The following MAPK10 variants were observed in gnomAD, a reference collection of about 807,000 sequenced individuals.
MAPK10 encodes mitogen-activated protein kinase 10, also known as JNK3 alpha protein kinase.
A neutral mutation model predicts 59.3 loss-of-function variants in MAPK10; 25 were observed. The ratio of observed to expected loss-of-function variants is 0.42; its 90% CI spans 0.31 to 0.59. The LOEUF (loss-of-function observed/expected upper bound fraction) is 0.59. MAPK10 is among the 20% of genes least tolerant of loss of function. The pLI, the probability that MAPK10 is intolerant of heterozygous loss-of-function variation, is 0.15. For synonymous variants in MAPK10, 190 were observed against 200.5 expected (o/e 0.95, Z 0.44); for missense variants, 351 against 568.9 (o/e 0.62, Z 3.90).
At chr4:86,236,403 A>T (rs181221162) in intron 2 of MAPK10, among the ~76,000 whole-genome samples, 56 of 152,312 alleles carry the variant, frequency 3.7e-4, no homozygotes, top group African/African-American at 1.2e-3. Flanking sequence ...GACAAGAGAC[A>T]AATGATATGA....
At chr4:86,563,311 A>G (rs1414296644) in intron 1 of MAPK10, among the ~76,000 whole-genome samples, 3 of 152,206 alleles carry the variant, frequency 2.0e-5, no homozygotes, top group Non-Finnish European at 4.4e-5. Flanking sequence ...GATTGCCAAC[A>G]TAACAATTCA....
intron 4 of MAPK10, among the ~76,000 whole-genome samples, chr4:86,156,153 G>A (rs1248504956): frequency 3.9e-5 from 6 of 152,106 alleles, no homozygotes; most frequent in South Asian, 4.1e-4. Flanking sequence ...ATACGGGTAC[G>A]TATACATATA....
At chr4:86,542,842 G>T (rs2149095907) in intron 1 of MAPK10, among the ~76,000 whole-genome samples, 2 of 152,252 alleles carry the variant, frequency 1.3e-5, no homozygotes, top group South Asian at 4.1e-4. Flanking sequence ...TTGTTTTCAT[G>T]CAATCTCTGT....
At chr4:86,056,646 G>T (rs572091359) in intron 11 of MAPK10, among the ~76,000 whole-genome samples, 1 of 149,996 alleles carries the variant, frequency 6.7e-6, no homozygotes, top group Non-Finnish European at 1.5e-5. Flanking sequence ...AAATGTATTT[G>T]AGAGAATTAA....
intron 2 of MAPK10, among the ~76,000 whole-genome samples, chr4:86,317,912 C>G (rs954260332): frequency 6.6e-6 from 1 of 152,110 alleles, no homozygotes; most frequent in Non-Finnish European, 1.5e-5. Context: ...TCTAGAGGAG[C>G]CTCGTTTCTT....
chr4:86,467,544 G>A (rs564130297), intron 1 of MAPK10, among the ~76,000 whole-genome samples: 32 of 148,286 alleles, frequency 2.2e-4, no homozygotes, highest in East Asian at 6.0e-4. Flanking sequence ...TTTTTGAGAC[G>A]GAGTTTCGCT....
chr4:86,508,323 C>T (rs1755958891), intron 1 of MAPK10, among the ~76,000 whole-genome samples: 1 of 152,096 alleles, frequency 6.6e-6, no homozygotes, highest in Non-Finnish European at 1.5e-5. Flanking sequence ...GACTCTTGGA[C>T]TCCCTCCCTT....
At chr4:86,566,608 G>C (rs997210777) in intron 1 of MAPK10, among the ~76,000 whole-genome samples, 20 of 151,892 alleles carry the variant, frequency 1.3e-4, no homozygotes, top group African/African-American at 4.8e-4. Flanking sequence ...CCAGCTGCTC[G>C]GGAGGCTGGG....
intron 11 of MAPK10, among the ~76,000 whole-genome samples, chr4:86,047,166 A>G (rs946344402): frequency 6.6e-6 from 1 of 152,126 alleles, no homozygotes; most frequent in Non-Finnish European, 1.5e-5. Flanking sequence ...ACCCTGACCC[A>G]GAAGCAGGTC....
At chr4:86,550,738 C>A (rs974577283) in intron 1 of MAPK10, among the ~76,000 whole-genome samples, 1 of 152,120 alleles carries the variant, frequency 6.6e-6, no homozygotes, top group Non-Finnish European at 1.5e-5. Context: ...AATACACACA[C>A]ACAAAAACCT....
chr4:86,452,664 CTAAGCTTGCCTA>C (rs1750859064), intron 1 of MAPK10, among the ~76,000 whole-genome samples: 2 of 152,242 alleles, frequency 1.3e-5, no homozygotes, highest in South Asian at 2.1e-4. Flanking sequence ...TTCCTGTAAG[CTAAGCTTGCCTA>C]TAAAAATAGC....
chr4:86,526,066 G>A (rs975173621), intron 1 of MAPK10, among the ~76,000 whole-genome samples: 5 of 152,076 alleles, frequency 3.3e-5, no homozygotes, highest in Non-Finnish European at 7.4e-5. Flanking sequence ...TTGGTATCAG[G>A]GTGATGCTGG....
chr4:86,196,998 C>T (rs1030738108), intron 2 of MAPK10, among the ~76,000 whole-genome samples: 2 of 152,128 alleles, frequency 1.3e-5, no homozygotes, highest in African/African-American at 2.4e-5. Context: ...TAGCATGATG[C>T]CTCCAGCATT....
chr4:86,401,775 A>G (rs1377485822), intron 1 of MAPK10, among the ~76,000 whole-genome samples: 1 of 152,230 alleles, frequency 6.6e-6, no homozygotes, highest in East Asian at 1.9e-4. Flanking sequence ...TTATTTATGT[A>G]ACAGTGTTTT....
intron 3 of MAPK10, among the ~76,000 whole-genome samples, chr4:86,188,149 T>C (rs1388413440): frequency 6.6e-6 from 1 of 152,222 alleles, no homozygotes; most frequent in African/African-American, 2.4e-5. Flanking sequence ...AGTCTATTAC[T>C]GATGGGCATT....
At chr4:86,289,061 T>C (rs1415143480) in intron 2 of MAPK10, among the ~76,000 whole-genome samples, 1 of 152,118 alleles carries the variant, frequency 6.6e-6, no homozygotes, top group Non-Finnish European at 1.5e-5. Flanking sequence ...GACTATACAC[T>C]GGTACAGAAT....
At chr4:86,518,902 T>C (rs1331003684) in intron 1 of MAPK10, among the ~76,000 whole-genome samples, 1 of 152,204 alleles carries the variant, frequency 6.6e-6, no homozygotes, top group Admixed American at 6.5e-5. Context: ...GATTATTTCA[T>C]TTCCATGTAT....
At chr4:86,551,406 T>C (rs1759762020) in intron 1 of MAPK10, among the ~76,000 whole-genome samples, 1 of 152,224 alleles carries the variant, frequency 6.6e-6, no homozygotes. Flanking sequence ...TAACTAAGCA[T>C]AACCAGTGAG....
At chr4:86,523,662 A>T (rs1757277553) in intron 1 of MAPK10, among the ~76,000 whole-genome samples, 1 of 152,200 alleles carries the variant, frequency 6.6e-6, no homozygotes, top group Non-Finnish European at 1.5e-5. Flanking sequence ...GCTTCAGGAG[A>T]TACATGTCTT....
Sources: allele counts gnomAD v4.1 joint callset (sites outside exome capture counted in the v4.1 genomes callset), GRCh38; gene constraint gnomAD v4.1.1; transcripts MANE v1.5; gene names NCBI Gene and HGNC (gene_info 2026-07-23, HGNC 2026-07-21).